ARHGAP6: variants seen among roughly 807,000 people sequenced by gnomAD.
ARHGAP6 encodes the protein rho GTPase-activating protein 6.
Under a neutral mutation model 55.7 loss-of-function variants are expected in ARHGAP6, and 16 were observed. The observed-to-expected ratio is 0.29, with a 90% CI of 0.19 to 0.44. ARHGAP6 has a LOEUF of 0.44. Ranked by LOEUF, ARHGAP6 falls within the 20% of genes least tolerant of loss-of-function variation. The pLI, the probability that ARHGAP6 is intolerant of heterozygous loss-of-function variation, is 1.00. For missense variants in ARHGAP6, 698 were observed against 808.9 expected (o/e 0.86, Z 1.66); for synonymous variants, 382 against 360.9 (o/e 1.06, Z -0.66).
At chrX:11,651,849 T>C (rs2052587860) in intron 1 of ARHGAP6, among the ~76,000 whole-genome samples, 1 of 112,125 alleles carries the variant, frequency 8.9e-6, no homozygotes, top group Admixed American at 9.4e-5. Context: ...TATGAGATGG[T>C]ATCTCATTGT....
rs2045573549 is a variant in ARHGAP6, at chrX:11,138,418, A to G, written c.*445T>C. On this transcript the variant is annotated 3_prime_UTR_variant, in exon 13 of 13. Coordinates refer to ENST00000337414, the MANE Select transcript of ARHGAP6 (RefSeq NM_013427.3). The stretch of plus-strand genomic sequence containing the variant: ...ATTCTATAGAATCTCATTGTTTAGT[A>G]TATCTCATTGCTTAATATAAGTGAA... 1 of 129,770 alleles carries G rather than the reference A, an allele frequency of 7.7e-6. No individual in the cohort carries two copies. The highest frequency in any genetic ancestry group is 8.8e-5 in the Admixed American group (1 of 11,301). 10.7% of individuals were successfully genotyped at this position (129,770 alleles called of 1,213,427 possible).
intron 8 of ARHGAP6, among the ~76,000 whole-genome samples, chrX:11,171,953 A>G (rs975440197): frequency 1.8e-5 from 2 of 112,001 alleles, no homozygotes; most frequent in African/African-American, 6.5e-5. Flanking sequence ...GTGAATTTTT[A>G]TTTCTCTTGT....
chrX:11,324,168 C>A (rs1450013131), intron 1 of ARHGAP6, among the ~76,000 whole-genome samples: 2 of 111,935 alleles, frequency 1.8e-5, no homozygotes, highest in Non-Finnish European at 3.8e-5. Flanking sequence ...GGAAATTTTT[C>A]ACAAGTGGGA....
chrX:11,167,421 T>C (rs918846410), intron 9 of ARHGAP6, among the ~76,000 whole-genome samples: 2 of 111,154 alleles, frequency 1.8e-5, no homozygotes, highest in Non-Finnish European at 3.8e-5. Flanking sequence ...AGACTATAAC[T>C]GGAGACCAAA....
chrX:11,201,585 G>A (rs1347078812), intron 2 of ARHGAP6, among the ~76,000 whole-genome samples: 3 of 111,380 alleles, frequency 2.7e-5, no homozygotes, highest in African/African-American at 6.5e-5. Context: ...ACCCGGACTC[G>A]GTGATTTATA....
chrX:11,607,707 T>C (rs1275010335), intron 1 of ARHGAP6, among the ~76,000 whole-genome samples: 1 of 112,554 alleles, frequency 8.9e-6, no homozygotes, highest in Non-Finnish European at 1.9e-5. Context: ...GCTTGGTTAC[T>C]GTTAAGTTAT....
At chrX:11,638,945 T>A (rs1025227615) in intron 1 of ARHGAP6, among the ~76,000 whole-genome samples, 1 of 111,431 alleles carries the variant, frequency 9.0e-6, no homozygotes, top group African/African-American at 3.3e-5. Flanking sequence ...GCCACACTTG[T>A]AAATGGGAAA....
intron 1 of ARHGAP6, among the ~76,000 whole-genome samples, chrX:11,619,954 C>G (rs1353387565): frequency 1.8e-5 from 2 of 112,160 alleles, no homozygotes; most frequent in Non-Finnish European, 3.8e-5. Flanking sequence ...CACTGTCCCT[C>G]TGTATTATAA....
chrX:11,613,921 C>A (rs895645866), intron 1 of ARHGAP6, among the ~76,000 whole-genome samples: 1 of 112,002 alleles, frequency 8.9e-6, no homozygotes, highest in Admixed American at 9.4e-5. Flanking sequence ...TTAGCTGGGC[C>A]TTTTCCCAAT....
At chrX:11,508,888 G>A (rs573835582) in intron 1 of ARHGAP6, among the ~76,000 whole-genome samples, 2 of 103,256 alleles carry the variant, frequency 1.9e-5, no homozygotes, top group African/African-American at 3.8e-5. Context: ...CACATATCAC[G>A]CATCACACAT....
At chrX:11,197,088 T>C in intron 2 of ARHGAP6, 92 bp from the exon 3 acceptor site, 1 of 484,817 alleles carries the variant, frequency 2.1e-6, no homozygotes, top group South Asian at 3.1e-5. Flanking sequence ...GCATGGCTTT[T>C]CTCTTACTTC....
intron 1 of ARHGAP6, among the ~76,000 whole-genome samples, chrX:11,451,042 A>G (rs948446567): frequency 5.4e-5 from 6 of 111,558 alleles, no homozygotes; most frequent in Admixed American, 9.5e-5. Context: ...CTGGCTGTGC[A>G]GCATAGCTTG....
At chrX:11,285,408 A>T in intron 1 of ARHGAP6, among the ~76,000 whole-genome samples, 1 of 111,936 alleles carries the variant, frequency 8.9e-6, no homozygotes, top group Non-Finnish European at 1.9e-5. Flanking sequence ...CCTGATAAAA[A>T]CAAGAGCTAC....
intron 1 of ARHGAP6, among the ~76,000 whole-genome samples, chrX:11,413,350 G>A (rs930662915): frequency 8.9e-6 from 1 of 112,350 alleles, no homozygotes; most frequent in African/African-American, 3.2e-5. Flanking sequence ...GGGAGGCCAT[G>A]GTGTAGAGCT....
intron 1 of ARHGAP6, among the ~76,000 whole-genome samples, chrX:11,436,134 GCCTTCT>G (rs1462951859): frequency 2.7e-5 from 3 of 112,318 alleles, no homozygotes; most frequent in African/African-American, 9.7e-5. Context: ...CTATCGAAAA[GCCTTCT>G]TACCCAGAAA....
At chrX:11,190,619 G>C (rs775989082) in intron 3 of ARHGAP6, among the ~76,000 whole-genome samples, 1 of 109,758 alleles carries the variant, frequency 9.1e-6, no homozygotes, top group South Asian at 3.9e-4. Flanking sequence ...TGGTAAGGCT[G>C]ACAGCTACAT....
chrX:11,303,897 T>C (rs183792073), intron 1 of ARHGAP6, among the ~76,000 whole-genome samples: 2 of 112,029 alleles, frequency 1.8e-5, no homozygotes, highest in Admixed American at 9.4e-5. Flanking sequence ...TATCATGCTC[T>C]GCTCTGAGTC....
intron 1 of ARHGAP6, among the ~76,000 whole-genome samples, chrX:11,501,024 A>G (rs938473848): frequency 8.9e-6 from 1 of 112,119 alleles, no homozygotes. Context: ...TAGTTCTGTA[A>G]AGGGCCAGAT....
intron 2 of ARHGAP6, among the ~76,000 whole-genome samples, chrX:11,199,196 G>C (rs777095888): frequency 8.9e-6 from 1 of 112,012 alleles, no homozygotes; most frequent in Non-Finnish European, 1.9e-5. Flanking sequence ...AACTGTTGAT[G>C]GTATTTGAGT....
Sources: gnomAD v4.1 joint callset for allele counts (sites outside exome capture counted in the v4.1 genomes callset) on GRCh38, gnomAD v4.1.1 for gene constraint, MANE v1.5 for transcripts, NCBI Gene and HGNC (gene_info 2026-07-23, HGNC 2026-07-21) for gene names.